The following HDAC9 variants were observed in gnomAD, a reference collection of about 807,000 sequenced individuals.
The protein encoded by HDAC9 is histone deacetylase 9.
In HDAC9, 41 loss-of-function variants were observed where a neutral mutation model predicts 139.4. That is an observed-to-expected ratio of 0.29 (90% CI 0.23 to 0.38). The LOEUF is 0.38. HDAC9 is among the 10% of genes least tolerant of loss of function. HDAC9 has a pLI of 1.00. For synonymous variants in HDAC9, 517 were observed against 476.2 expected (o/e 1.09, Z -1.12); for missense variants, 1,147 against 1,297.0 (o/e 0.88, Z 1.78).
chr7:18,589,023 G>A (rs752959079), intron 3 of HDAC9, among the ~76,000 whole-genome samples: 2 of 152,074 alleles, frequency 1.3e-5, no homozygotes, highest in Non-Finnish European at 2.9e-5. Context: ...ATGAATATGC[G>A]GCTGAAGAGA....
chr7:18,435,213 A>G (rs1791076151), intron 1 of HDAC9, among the ~76,000 whole-genome samples: 1 of 152,098 alleles, frequency 6.6e-6, no homozygotes, highest in African/African-American at 2.4e-5. Flanking sequence ...TAGACCATAT[A>G]GGAACACAAA....
chr7:18,585,170 A>C (rs1483288346), intron 2 of HDAC9, 111 bp from the exon 3 acceptor site: 2 of 1,198,292 alleles, frequency 1.7e-6, no homozygotes, highest in Non-Finnish European at 2.4e-6. Context: ...ATTGGCATAA[A>C]ATTTGTTGTA....
chr7:18,932,954 A>G (rs111781496), intron 22 of HDAC9, among the ~76,000 whole-genome samples: 3,337 of 152,210 alleles, frequency 0.022, 120 homozygotes, highest in African/African-American at 0.077. Flanking sequence ...TACATGTGCA[A>G]ACAAAAACAG....
intron 21 of HDAC9, among the ~76,000 whole-genome samples, chr7:18,847,625 A>C (rs1177810152): frequency 1.3e-5 from 2 of 152,206 alleles, no homozygotes; most frequent in African/African-American, 4.8e-5. Flanking sequence ...AGAGTCTCTC[A>C]CAAAGTGGTT....
In HDAC9 at chr7:18,819,043, A is replaced by G. The variant is rs542692300; in HGVS notation, c.2323-10118A>G. Among the ~76,000 whole-genome samples the G allele has an allele frequency of 6.6e-5, 10 of 152,066 alleles. 1 individual carries two copies. The highest frequency in any genetic ancestry group is 2.4e-4 in the African/African-American group (10 of 41,478). On this transcript the variant is annotated intron_variant, in intron 17 of 25. Transcript: ENST00000686413. The stretch of plus-strand genomic sequence containing the variant: ...GCCTGTAATGCCAGCACTTTAGGAG[A>G]CTGAGGTGGGTGGATCACTTGAAGT...
At chr7:18,388,136 A>T (rs1030578878) in intron 1 of HDAC9, among the ~76,000 whole-genome samples, 4 of 152,208 alleles carry the variant, frequency 2.6e-5, no homozygotes, top group Non-Finnish European at 5.9e-5. Context: ...CTTGTTTTAC[A>T]AAAACGACGT....
intron 2 of HDAC9, among the ~76,000 whole-genome samples, chr7:18,261,197 G>C (rs774424937): frequency 7.2e-5 from 11 of 152,060 alleles, no homozygotes; most frequent in Non-Finnish European, 1.5e-4. Context: ...AGTCCCAGCA[G>C]CTCAGGAGGT....
chr7:18,996,090 T>C lies in HDAC9; in HGVS notation c.*28T>C. 2.6e-6 allele frequency: 4 copies of C among 1,568,032 alleles called. No individual in the cohort carries two copies. The highest frequency in any genetic ancestry group is 2.6e-6 in the Non-Finnish European group (3 of 1,145,396). On this transcript the variant is annotated 3_prime_UTR_variant, in exon 26 of 26. Transcript: ENST00000686413. ...TGCCAAGTCCCCCTCTGATATTTCC[T>C]GTGTGTGACATCATTGTGTATCCCC... is the stretch of plus-strand genomic sequence containing the variant.
intron 23 of HDAC9, among the ~76,000 whole-genome samples, chr7:18,947,817 A>G (rs1782508938): frequency 6.6e-6 from 1 of 152,044 alleles, no homozygotes; most frequent in Non-Finnish European, 1.5e-5. Context: ...GAATATTATA[A>G]GAGAATATTT....
At chr7:18,293,043 A>G (rs1285585915) in intron 1 of HDAC9, among the ~76,000 whole-genome samples, 1 of 152,126 alleles carries the variant, frequency 6.6e-6, no homozygotes, top group Non-Finnish European at 1.5e-5. Flanking sequence ...TTTAGAGCTA[A>G]AAATGCAAAC....
intron 2 of HDAC9, among the ~76,000 whole-genome samples, chr7:18,510,681 C>G (rs1006706777): frequency 6.6e-6 from 1 of 152,014 alleles, no homozygotes; most frequent in African/African-American, 2.4e-5. Flanking sequence ...TAATCAAAAT[C>G]TCAATGCCAA....
chr7:18,945,156 C>A (rs577806498), intron 23 of HDAC9, among the ~76,000 whole-genome samples: 1 of 152,188 alleles, frequency 6.6e-6, no homozygotes, highest in African/African-American at 2.4e-5. Context: ...CAGTGGCATA[C>A]AAGTGTTTAC....
chr7:18,257,114 A>ATG (rs1491093488), intron 2 of HDAC9, among the ~76,000 whole-genome samples: 32 of 76,040 alleles, frequency 4.2e-4, no homozygotes, highest in East Asian at 8.8e-4. Context: ...GTGTGTGTGC[A>ATG]TGTATGTGTG....
At chr7:18,865,863 A>G (rs1039999052) in intron 21 of HDAC9, among the ~76,000 whole-genome samples, 1 of 152,120 alleles carries the variant, frequency 6.6e-6, no homozygotes, top group East Asian at 1.9e-4. Context: ...TTATAATATG[A>G]TGCTTTCATG....
intron 1 of HDAC9, among the ~76,000 whole-genome samples, chr7:18,143,733 C>T (rs1480477393): frequency 6.7e-6 from 1 of 149,640 alleles, no homozygotes; most frequent in Non-Finnish European, 1.5e-5. Flanking sequence ...GCGGAGGTTG[C>T]AGTGAGCCAC....
rs1417052583 is a variant in HDAC9, at chr7:18,732,722, C to G, written c.1909+4965C>G. 2.0e-5 allele frequency among the ~76,000 whole-genome samples: 2 copies of G among 99,686 alleles called. 1 individual carries two copies. The highest frequency in any genetic ancestry group is 4.0e-5 in the Non-Finnish European group (2 of 50,022). The allele number at this position is 99,686 out of a possible 152,430, so 65.4% of individuals were successfully genotyped here. On this transcript the variant is annotated intron_variant, in intron 13 of 25. Coordinates refer to ENST00000686413, the MANE Select transcript of HDAC9 (RefSeq NM_178425.4). ...ACGTGTATGTGTGCGTATGTGTACACACACACACGTGTATGTGTGCGTATG... is the reference window on the plus strand; with the variant it reads ...ACGTGTATGTGTGCGTATGTGTACAGACACACACGTGTATGTGTGCGTATG...
chr7:18,244,044 T>C (rs1656784761), intron 2 of HDAC9, among the ~76,000 whole-genome samples: 1 of 152,234 alleles, frequency 6.6e-6, no homozygotes, highest in African/African-American at 2.4e-5. Context: ...AGACTGTTGC[T>C]GAATAGCCCA....
At chr7:18,593,843 T>G in intron 5 of HDAC9, 65 bp from the exon 6 acceptor site, 1 of 1,567,520 alleles carries the variant, frequency 6.4e-7, no homozygotes, top group South Asian at 1.1e-5. Context: ...GTGCAGCTGA[T>G]TATTGCTGAC....
At chr7:18,428,845 G>T (rs933756252) in intron 1 of HDAC9, among the ~76,000 whole-genome samples, 15 of 152,084 alleles carry the variant, frequency 9.9e-5, no homozygotes, top group Non-Finnish European at 1.8e-4. Flanking sequence ...TTCCTACCAT[G>T]CTGGCCTTGC....
Sources: gnomAD v4.1 joint callset for allele counts (sites outside exome capture counted in the v4.1 genomes callset) on GRCh38, gnomAD v4.1.1 for gene constraint, MANE v1.5 for transcripts, NCBI Gene and HGNC (gene_info 2026-07-23, HGNC 2026-07-21) for gene names.